TENT4A: variants seen among roughly 807,000 people sequenced by gnomAD.
The protein encoded by TENT4A is terminal nucleotidyltransferase 4A, also known as DNA polymerase kappa.
TENT4A carries 7 observed loss-of-function variants against 72.8 expected under a neutral mutation model. The ratio of observed to expected loss-of-function variants is 0.10; its 90% CI spans 0.05 to 0.18. The LOEUF (loss-of-function observed/expected upper bound fraction) is 0.18, where lower values mean the gene tolerates loss of function less well. Among genes scored for constraint, TENT4A ranks in the 10% least tolerant of loss-of-function variants. TENT4A has a pLI of 1.00. For synonymous variants in TENT4A, 456 were observed against 434.3 expected, an observed-to-expected ratio of 1.05 and a Z score of -0.62; for missense variants, 831 against 1,017.7, an observed-to-expected ratio of 0.82 and a Z score of 2.50.
chr5:6,746,599 C>T (rs911430035), intron 7 of TENT4A, among the ~76,000 whole-genome samples, 172 bp downstream of exon 7: 8 of 152,202 alleles, frequency 5.3e-5, no homozygotes, highest in African/African-American at 1.9e-4. Flanking sequence ...TTATTTAATG[C>T]TTCTAATTAA....
At chr5:6,753,160 T>G in intron 12 of TENT4A, 123 bp downstream of exon 12, 1 of 980,330 alleles carries the variant, frequency 1.0e-6, no homozygotes, top group South Asian at 2.1e-5. Context: ...TTTGCTTTGT[T>G]GTCATTCAGC....
At chr5:6,715,368 C>T (rs906202568) in intron 1 of TENT4A, among the ~76,000 whole-genome samples, 1 of 152,152 alleles carries the variant, frequency 6.6e-6, no homozygotes, top group African/African-American at 2.4e-5. Flanking sequence ...AGAGGCTCTA[C>T]TTAAATTTAG....
At chr5:6,750,294 C>T (rs748943181) in intron 9 of TENT4A, 37 bp from the exon 10 acceptor site, 20 of 1,577,276 alleles carry the variant, frequency 1.3e-5, no homozygotes, top group Non-Finnish European at 6.0e-6. Flanking sequence ...CGCCGCAGTT[C>T]TCAGGAGTTA....
At chr5:6,725,978 G>A (rs568932039) in intron 1 of TENT4A, among the ~76,000 whole-genome samples, 6 of 152,318 alleles carry the variant, frequency 3.9e-5, no homozygotes, top group East Asian at 3.9e-4. Context: ...GTGCAGCAAC[G>A]TCAGAGTAAA....
chr5:6,723,967 G>C lies in TENT4A; in HGVS notation c.716+9268G>C, dbSNP rs982889466. Among the ~76,000 whole-genome samples the C allele has an allele frequency of 2.6e-5, 4 of 152,224 alleles. No homozygotes were observed. In the East Asian group the frequency reaches 5.8e-4, roughly 22 times the overall value. On this transcript the variant is annotated intron_variant, in intron 1 of 12. Coordinates refer to ENST00000230859, the MANE Select transcript of TENT4A (RefSeq NM_006999.6). ...GGAGCATCTGATGAGCTGTTTACTC[G>C]CTGTTTCATCTGACGGCAGTTGAAA...
intron 6 of TENT4A, among the ~76,000 whole-genome samples, chr5:6,745,257 C>T (rs371249718): frequency 7.9e-5 from 12 of 152,208 alleles, no homozygotes; most frequent in African/African-American, 2.4e-4. Context: ...CAGAGAACTC[C>T]GGAATTCTTC....
intron 1 of TENT4A, among the ~76,000 whole-genome samples, chr5:6,731,098 T>TG (rs1428401754): frequency 6.6e-6 from 1 of 152,230 alleles, no homozygotes; most frequent in Non-Finnish European, 1.5e-5. Context: ...TCTACAAAAT[T>TG]GCAGGGTTAA....
chr5:6,743,975 C>T (rs1741952733), intron 6 of TENT4A, 135 bp downstream of exon 6: 6 of 767,162 alleles, frequency 7.8e-6, no homozygotes, highest in Non-Finnish European at 1.3e-5. Flanking sequence ...AGGCTGATTT[C>T]TGATTCTTAC....
chr5:6,752,797 G>A, intron 11 of TENT4A, 76 bp from the exon 12 acceptor site: 1 of 1,331,176 alleles, frequency 7.5e-7, no homozygotes, highest in Non-Finnish European at 1.1e-6. Context: ...GCCCTTTGGT[G>A]GTGCTGAGCT....
intron 1 of TENT4A, among the ~76,000 whole-genome samples, chr5:6,723,705 C>T (rs976978378): frequency 1.3e-5 from 2 of 152,170 alleles, no homozygotes; most frequent in African/African-American, 4.8e-5. Context: ...CTTTGTTTTC[C>T]TAAAGAGATT....
At chr5:6,737,664 ACGTCACGTG>A (rs1174750964) in intron 2 of TENT4A, 31 bp downstream of exon 2, 1 of 1,603,956 alleles carries the variant, frequency 6.2e-7, no homozygotes, top group Non-Finnish European at 8.5e-7. Flanking sequence ...TCTGTGTCGC[ACGTCACGTG>A]CGAGTAAATT....
At chr5:6,732,482 A>T (rs1451147986) in intron 1 of TENT4A, among the ~76,000 whole-genome samples, 1 of 152,242 alleles carries the variant, frequency 6.6e-6, no homozygotes, top group East Asian at 1.9e-4. Flanking sequence ...CATATACCAG[A>T]TACTAAAATA....
intron 1 of TENT4A, among the ~76,000 whole-genome samples, chr5:6,717,521 C>G (rs149532563): frequency 9.8e-5 from 15 of 152,368 alleles, no homozygotes; most frequent in African/African-American, 3.6e-4. Context: ...GACTGCCAGT[C>G]TGCCTTCTGC....
chr5:6,737,736 G>A (rs1042485191), intron 2 of TENT4A, 103 bp downstream of exon 2: 95 of 1,299,628 alleles, frequency 7.3e-5, no homozygotes, highest in Non-Finnish European at 9.2e-5. Context: ...ACCTTTTCTC[G>A]TTGGCCCGAG....
chr5:6,746,133 G>A, intron 6 of TENT4A, 81 bp from the exon 7 acceptor site: 5 of 1,604,464 alleles, frequency 3.1e-6, no homozygotes, highest in Non-Finnish European at 4.3e-6. Context: ...AGAGGCTGCT[G>A]GACAGCAGAC....
intron 1 of TENT4A, among the ~76,000 whole-genome samples, chr5:6,719,309 CAGTT>C (rs1387341356): frequency 5.3e-5 from 8 of 152,036 alleles, no homozygotes; most frequent in African/African-American, 1.2e-4. Context: ...TTTTATGCCT[CAGTT>C]AGGTCATATG....
intron 1 of TENT4A, among the ~76,000 whole-genome samples, chr5:6,719,192 C>T (rs1015584710): frequency 1.1e-4 from 16 of 152,104 alleles, no homozygotes; most frequent in African/African-American, 3.6e-4. Flanking sequence ...AAGTCTCAAA[C>T]GTTCTTTGGT....
At chr5:6,742,349 A>G in intron 4 of TENT4A, 141 bp from the exon 5 acceptor site, 2 of 611,636 alleles carry the variant, frequency 3.3e-6, no homozygotes, top group Middle Eastern at 3.3e-4. Context: ...TTCAGGGACT[A>G]CTGATGCTGA....
intron 12 of TENT4A, among the ~76,000 whole-genome samples, chr5:6,754,329 C>T: frequency 6.6e-6 from 1 of 152,164 alleles, no homozygotes; most frequent in South Asian, 2.1e-4. Flanking sequence ...CCACCACACC[C>T]AGCCAATTTT....
Sources: allele counts gnomAD v4.1 joint callset (sites outside exome capture counted in the v4.1 genomes callset), GRCh38; gene constraint gnomAD v4.1.1; transcripts MANE v1.5; gene names NCBI Gene and HGNC (gene_info 2026-07-23, HGNC 2026-07-21).